Variants in MYH13 observed in about 807,000 individuals in gnomAD.
MYH13 encodes myosin heavy chain 13.
In MYH13, 177 loss-of-function variants were observed where a neutral mutation model predicts 232.1. That is an observed-to-expected ratio of 0.76 (90% CI 0.67 to 0.86). MYH13 has a LOEUF of 0.86. Among genes scored for constraint, MYH13 ranks in the 40% least tolerant of loss-of-function variants. The pLI is 0.00. For missense variants in MYH13, 2,246 were observed against 2,405.9 expected (o/e 0.93, Z 1.39); for synonymous variants, 884 against 923.5 (o/e 0.96, Z 0.78).
At chr17:10,323,373 T>C (rs1295405874) in intron 23 of MYH13, among the ~76,000 whole-genome samples, 1 of 152,230 alleles carries the variant, frequency 6.6e-6, no homozygotes, top group East Asian at 1.9e-4. Context: ...TTGTTTGCAA[T>C]CCCTGTGCTT....
At position 10,322,868 on chromosome 17, in the gene MYH13, C is replaced by T. The variant is rs184531758; in HGVS notation, c.2934+1154G>A. 7.2e-5 allele frequency among the ~76,000 whole-genome samples: 11 copies of T among 152,218 alleles called. No individual in the cohort carries two copies. In the East Asian group the frequency reaches 1.6e-3, roughly 21 times the overall value. ...CAGGATGGTCTCGATCTCCTGACCT[C>T]GTGGTCTGCCCACCTTGGCCTCCCA... On this transcript the variant is annotated intron_variant, in intron 23 of 40. Transcript: ENST00000252172.
intron 33 of MYH13, among the ~76,000 whole-genome samples, chr17:10,310,766 A>G (rs1193271731): frequency 1.3e-5 from 2 of 152,208 alleles, no homozygotes; most frequent in Non-Finnish European, 2.9e-5. Flanking sequence ...GATTCTTGAT[A>G]GCCAAAAATG....
chr17:10,339,667 G>A (rs9895816), intron 18 of MYH13, among the ~76,000 whole-genome samples: 116,814 of 152,110 alleles, frequency 0.77, 45,446 homozygotes, highest in East Asian at 0.87. Flanking sequence ...ATATGATTTC[G>A]TAGTAGGGGT....
intron 18 of MYH13, among the ~76,000 whole-genome samples, chr17:10,338,825 C>A (rs919095604): frequency 6.6e-6 from 1 of 151,938 alleles, no homozygotes; most frequent in East Asian, 1.9e-4. Context: ...CTCGGCCTCC[C>A]GAATAGCTGG....
At chr17:10,362,643 C>G in intron 3 of MYH13, 140 bp from the exon 4 acceptor site, 1 of 1,184,350 alleles carries the variant, frequency 8.4e-7, no homozygotes, top group South Asian at 1.4e-5. Flanking sequence ...CATTTCCATG[C>G]CCCAACATGA....
chr17:10,305,940 A>C (rs1338406286), intron 37 of MYH13, among the ~76,000 whole-genome samples: 1 of 152,152 alleles, frequency 6.6e-6, no homozygotes, highest in Non-Finnish European at 1.5e-5. Flanking sequence ...CCAGAATTGC[A>C]GCCTGCACTG....
At chr17:10,321,472 T>A (rs1906935924) in intron 24 of MYH13, 60 bp downstream of exon 24, 1 of 1,516,810 alleles carries the variant, frequency 6.6e-7, no homozygotes, top group African/African-American at 1.4e-5. Context: ...AGTTAGACTG[T>A]CTCTTGTCTG....
chr17:10,343,954 C>T lies in MYH13; in HGVS notation c.1740G>A (p.Ser580=), dbSNP rs780938617. ...PAKGKAEAHF[S]LVHYAGTVDY... is the part of the protein sequence containing the mutation. ...CCACGGTGCCGGCATAGTGCACCAGCGAGAAGTGAGCCTCAGCCTTGCCTT... is the reference window on the plus strand; with the variant it reads ...CCACGGTGCCGGCATAGTGCACCAGTGAGAAGTGAGCCTCAGCCTTGCCTT... Residue 580 remains serine (S), a synonymous_variant, in exon 16 of 41, where the codon TCG becomes TCA. Coordinates refer to ENST00000252172, the MANE Select transcript of MYH13 (RefSeq NM_003802.3). 17 of 1,614,088 alleles carry T rather than the reference C, an allele frequency of 1.1e-5. No individual in the cohort carries two copies. Among genetic ancestry groups the T allele is most frequent in the African/African-American group, 8.0e-5 (6 of 74,928 alleles).
chr17:10,327,836 G>A (rs1222943712), intron 22 of MYH13, 30 bp downstream of exon 22: 3 of 1,599,420 alleles, frequency 1.9e-6, no homozygotes, highest in South Asian at 2.3e-5. Context: ...CAGAGTCTGT[G>A]TTTTGCGTTC....
At chr17:10,323,832 G>GAAGAAGAAGAAGA (rs1555549904) in intron 23 of MYH13, among the ~76,000 whole-genome samples, 190 bp downstream of exon 23, 2 of 141,310 alleles carry the variant, frequency 1.4e-5, no homozygotes, top group South Asian at 4.7e-4. Context: ...AGAAGAAGAA[G>GAAGAAGAAGAAGA]AGTCTATGGG....
chr17:10,320,707 C>T (rs1302672407), intron 24 of MYH13, among the ~76,000 whole-genome samples: 2 of 152,158 alleles, frequency 1.3e-5, no homozygotes. Flanking sequence ...GGCTGGATCC[C>T]TCAGGGGCCT....
In MYH13 at chr17:10,327,968, G is replaced by C; in HGVS notation, c.2589C>G (p.Thr863=). ...CCTCAGATCGGGCCAGTTCTTCCTT[G>C]GTCCTCTCAAAGTCTTCCTTCATGG... The part of the protein sequence containing the change: ...MATMKEDFER[T]KEELARSEAR... Residue 863 remains threonine (T), a synonymous_variant, in exon 22 of 41, where the codon ACC becomes ACG. Transcript: ENST00000252172. 2 of 1,614,032 alleles carry C rather than the reference G, an allele frequency of 1.2e-6. No homozygotes were observed. The highest frequency in any genetic ancestry group is 1.7e-6 in the Non-Finnish European group (2 of 1,180,004).
Position 10,306,470 on chromosome 17 carries a change from G to A in MYH13, c.5455C>T (p.Leu1819=). The change falls in exon 37 of 41, where the codon CTG becomes TTG. Residue 1819 remains leucine (L), a synonymous_variant. Transcript: ENST00000252172. The surrounding 1 kb of genome is among the most constrained non-coding windows in gnomAD (Gnocchi z 4.3). ...LKGGKKQIQK[L]ENRVRELENE... ...CTCAAAAACTCTACCCGGTTCTCCA[G>A]TTTCTGGATCTGCTTCTTCCCGCCC... 6.2e-7 allele frequency: 1 copy of A among 1,614,132 alleles called. No homozygotes were observed. The highest frequency in any genetic ancestry group is 8.5e-7 in the Non-Finnish European group (1 of 1,180,026).
At chr17:10,364,198 G>T in intron 3 of MYH13, 129 bp downstream of exon 3, 2 of 971,432 alleles carry the variant, frequency 2.1e-6, no homozygotes, top group Non-Finnish European at 3.1e-6. Flanking sequence ...CTACTTCACC[G>T]CAGAACAGAT....
intron 5 of MYH13, among the ~76,000 whole-genome samples, chr17:10,361,680 T>C (rs2071795053): frequency 1.3e-5 from 2 of 152,148 alleles, no homozygotes; most frequent in Non-Finnish European, 2.9e-5. Context: ...GGCATGACAG[T>C]GTTACCATGT....
rs34889608 is a variant in MYH13 at position 10,306,220 on chromosome 17, ATGTG to A, written c.5466+235_5466+238del. Among the ~76,000 whole-genome samples the A allele has an allele frequency of 0.07, 9,141 of 129,854 alleles. 314 individuals are homozygous for A. The highest frequency in any genetic ancestry group is 0.093 in the African/African-American group (3,213 of 34,498). The allele number at this position is 129,854 out of a possible 152,430, so 85.2% of individuals were successfully genotyped here. On this transcript the variant is annotated intron_variant, in intron 37 of 40. Coordinates refer to ENST00000252172, the MANE Select transcript of MYH13 (RefSeq NM_003802.3). The surrounding 1 kb of genome is among the most constrained non-coding windows in gnomAD (Gnocchi z 4.3). ...CTGAGGTGTGAGCATACCAAAATAG[ATGTG>A]TGTGTGTGTGTGTGTGTGTGTGTGT...
chr17:10,349,932 A>G (rs1024224021), intron 12 of MYH13, among the ~76,000 whole-genome samples: 1 of 152,350 alleles, frequency 6.6e-6, no homozygotes, highest in South Asian at 2.1e-4. Context: ...TGTAAGAAGC[A>G]TCGTGAGAGC....
chr17:10,342,964 C>T (rs1237025620), intron 16 of MYH13, among the ~76,000 whole-genome samples: 3 of 151,932 alleles, frequency 2.0e-5, no homozygotes, highest in Non-Finnish European at 4.4e-5. Context: ...GTGGCGTGCG[C>T]CTGTAGTCCC....
At chr17:10,319,271 G>A (rs1376227826) in intron 26 of MYH13, 92 bp from the exon 27 acceptor site, 3 of 1,428,080 alleles carry the variant, frequency 2.1e-6, no homozygotes, top group Non-Finnish European at 2.8e-6. Flanking sequence ...CGGGTAGGCA[G>A]CATGAGGTGG....
Sources: gnomAD v4.1 joint callset for allele counts (sites outside exome capture counted in the v4.1 genomes callset) on GRCh38, gnomAD v4.1.1 for gene constraint, Gnocchi (gnomAD v3.1) non-coding constraint, MANE v1.5 for transcripts, NCBI Gene and HGNC (gene_info 2026-07-23, HGNC 2026-07-21) for gene names.